The following ADGRG1 variants were observed in gnomAD, a reference collection of about 807,000 sequenced individuals.
ADGRG1 encodes the protein 7-transmembrane protein with no EGF-like N-terminal domains-1.
Under a neutral mutation model 73.5 loss-of-function variants are expected in ADGRG1, and 53 were observed. That is an observed-to-expected ratio of 0.72 (90% CI 0.58 to 0.91). The LOEUF is 0.91. Ranked by LOEUF, ADGRG1 falls within the 40% of genes least tolerant of loss-of-function variation. The pLI is 0.00. For synonymous variants in ADGRG1, 394 were observed against 374.4 expected (o/e 1.05, Z -0.60); for missense variants, 795 against 871.8 (o/e 0.91, Z 1.11).
At chr16:57,643,934 C>A in intron 1 of ADGRG1, 1 of 983,256 alleles carries the variant, frequency 1.0e-6, no homozygotes, top group Non-Finnish European at 1.2e-6. Context: ...GCCCTGAGTG[C>A]CACCTGGGTC....
intron 1 of ADGRG1, chr16:57,644,054 C>G (rs772039278): frequency 3.1e-5 from 31 of 985,210 alleles, no homozygotes; most frequent in Non-Finnish European, 3.6e-5. Flanking sequence ...TCAGACGCCA[C>G]GCCACCCACC....
chr16:57,636,263 T>G, intron 1 of ADGRG1: 4 of 985,334 alleles, frequency 4.1e-6, no homozygotes, highest in Non-Finnish European at 4.8e-6. Flanking sequence ...CAAGGTTCAG[T>G]GCTCACAGAT....
At chr16:57,638,631 C>T (rs1310344197) in intron 1 of ADGRG1, among the ~76,000 whole-genome samples, 1 of 152,190 alleles carries the variant, frequency 6.6e-6, no homozygotes, top group African/African-American at 2.4e-5. Flanking sequence ...ATGATGCACA[C>T]ATTGTGCTCA....
At chr16:57,630,610 G>A (rs2037565529) in intron 1 of ADGRG1, 1 of 764,284 alleles carries the variant, frequency 1.3e-6, no homozygotes, top group Non-Finnish European at 1.6e-6. Context: ...GGGCCACTGG[G>A]CAAGGGCCAG....
intron 1 of ADGRG1, chr16:57,642,752 C>T: frequency 1.6e-6 from 1 of 607,000 alleles, no homozygotes; most frequent in Non-Finnish European, 2.1e-6. Flanking sequence ...ACCACAATGG[C>T]TAAAAGTTTG....
chr16:57,629,160 T>C, intron 1 of ADGRG1: 1 of 980,468 alleles, frequency 1.0e-6, no homozygotes, highest in South Asian at 4.8e-5. Context: ...GGTGGTGAAA[T>C]GGGGAAATGG....
intron 1 of ADGRG1, chr16:57,643,681 C>T (rs2041443002): frequency 1.0e-6 from 1 of 985,182 alleles, no homozygotes; most frequent in Admixed American, 6.1e-5. Context: ...TTTTATTCTC[C>T]TTTATTGTAG....
intron 1 of ADGRG1, chr16:57,646,448 A>G (rs1166103957): frequency 2.0e-6 from 2 of 985,188 alleles, no homozygotes; most frequent in African/African-American, 1.8e-5. Context: ...TGTGGCCCCC[A>G]TTGTGTCAGA....
upstream of ADGRG1, among the ~76,000 whole-genome samples, chr16:57,620,464 G>C (rs942784365): frequency 6.6e-6 from 1 of 152,224 alleles, no homozygotes; most frequent in Non-Finnish European, 1.5e-5. Flanking sequence ...CGCGGAGCCT[G>C]AGCATGGACG....
rs2044864573 is a variant in ADGRG1, at chr16:57,654,168, G to T, written c.768+35G>T. The T allele has an allele frequency of 3.1e-6, 5 of 1,599,714 alleles. No individual in the cohort carries two copies. The South Asian group carries it at 4.4e-5, about 14-fold the overall frequency. On this transcript the variant is annotated intron_variant, in intron 5 of 13. Coordinates refer to ENST00000562631, the MANE Select transcript of ADGRG1 (RefSeq NM_201525.4). ...AGGCCTGGGCAGGAAGCAGATGCGG[G>T]TTGGGCCGGGGCCAGATGGAGGTGG...
At chr16:57,645,382 C>A (rs577747130) in intron 1 of ADGRG1, 524 of 921,908 alleles carry the variant, frequency 5.7e-4, no homozygotes, top group Middle Eastern at 1.1e-3. Context: ...CCACCACCCC[C>A]CAACCTGATG....
In ADGRG1 at chr16:57,644,470, G is replaced by C. The variant is rs537225315; in HGVS notation, c.-35-5783G>C. Among the ~76,000 whole-genome samples the C allele has an allele frequency of 4.9e-3, 672 of 137,460 alleles. 8 individuals are homozygous for C. The highest frequency in any genetic ancestry group is 0.018 in the African/African-American group (647 of 36,126). 90.2% of individuals were successfully genotyped at this position (137,460 alleles called of 152,430 possible). On this transcript the variant is annotated intron_variant, in intron 1 of 13. Coordinates refer to ENST00000562631, the MANE Select transcript of ADGRG1 (RefSeq NM_201525.4). ...TGCACATGCACACACTCATGCACGGGCACACACACCCATGCACACACATAT... is the reference window on the plus strand; with the variant it reads ...TGCACATGCACACACTCATGCACGGCCACACACACCCATGCACACACATAT...
chr16:57,657,752 T>C (rs757105868), intron 10 of ADGRG1, among the ~76,000 whole-genome samples: 2 of 152,072 alleles, frequency 1.3e-5, no homozygotes, highest in Non-Finnish European at 2.9e-5. Flanking sequence ...ATTATTATTA[T>C]TTTTTTGAGA....
chr16:57,655,618 C>T, intron 6 of ADGRG1, 88 bp downstream of exon 6: 1 of 1,599,940 alleles, frequency 6.3e-7, no homozygotes, highest in South Asian at 1.1e-5. Flanking sequence ...GAGCTCCTTC[C>T]TCTGGGAGTC....
chr16:57,652,643 G>C, intron 3 of ADGRG1: 1 of 987,404 alleles, frequency 1.0e-6, no homozygotes, highest in Non-Finnish European at 1.2e-6. Flanking sequence ...GGCTTTCTCG[G>C]TTATGCATTC....
At chr16:57,627,110 C>A (rs981761351), upstream of ADGRG1, 10 of 960,320 alleles carry the variant, frequency 1.0e-5, no homozygotes, top group Non-Finnish European at 1.2e-5. Flanking sequence ...GGCCTCCCTG[C>A]ACCCCACGGG....
chr16:57,660,292 C>G (rs1355663740), intron 11 of ADGRG1: 1 of 985,052 alleles, frequency 1.0e-6, no homozygotes, highest in African/African-American at 1.7e-5. Flanking sequence ...GTCCATTCCC[C>G]CATTTGCATG....
intron 11 of ADGRG1, chr16:57,660,244 T>A: frequency 1.0e-6 from 1 of 985,402 alleles, no homozygotes; most frequent in Non-Finnish European, 1.2e-6. Flanking sequence ...GACTCCAGCT[T>A]GCTGCTCTTC....
upstream of ADGRG1, chr16:57,620,000 A>C (rs2034466400): frequency 6.6e-6 from 1 of 152,318 alleles, no homozygotes; most frequent in African/African-American, 2.4e-5. Context: ...GGCGAGACAG[A>C]CAGGCGGAGC....
Sources: gnomAD v4.1 joint callset for allele counts (sites outside exome capture counted in the v4.1 genomes callset) on GRCh38, gnomAD v4.1.1 for gene constraint, MANE v1.5 for transcripts, NCBI Gene and HGNC (gene_info 2026-07-23, HGNC 2026-07-21) for gene names.